The following DNAI1 variants were observed in gnomAD, a reference collection of about 807,000 sequenced individuals.
DNAI1 encodes the protein dynein axonemal intermediate chain 1, also known as dynein, axonemal, intermediate polypeptide 1.
A neutral mutation model predicts 92.0 loss-of-function variants in DNAI1; 67 were observed. The observed-to-expected ratio is 0.73, with a 90% CI of 0.60 to 0.89. The LOEUF (loss-of-function observed/expected upper bound fraction) is 0.89. DNAI1 is among the 40% of genes least tolerant of loss of function. The probability of loss-of-function intolerance (pLI) is 0.00; values close to 1 mark genes in which losing one functional copy is unlikely to be tolerated. For synonymous variants in DNAI1, 323 were observed against 319.6 expected (o/e 1.01, Z -0.11); for missense variants, 839 against 866.6 (o/e 0.97, Z 0.40).
chr9:34,501,138 G>A lies in DNAI1; in HGVS notation c.1020G>A (p.Trp340Ter). 1 of 1,613,272 alleles carries A rather than the reference G, an allele frequency of 6.2e-7. No individual in the cohort carries two copies. Among genetic ancestry groups the A allele is most frequent in the Non-Finnish European group, 8.5e-7 (1 of 1,179,282 alleles). The change falls in exon 12 of 20, where the codon TGG becomes TGA. Residue 340 changes from tryptophan (W) to a stop codon, truncating the protein, a stop_gained and splice_region_variant. Transcript: ENST00000242317. LOFTEE classifies it high-confidence loss of function. ...AKRLSVTALC[W>*]NPKYRDLFAV... ...AATGGATTCATATTTTTTTTTGCAG[G>A]AATCCAAAGTACAGGGATCTGTTTG...
chr9:34,502,491 T>C (rs1384405657), intron 12 of DNAI1, among the ~76,000 whole-genome samples: 1 of 152,074 alleles, frequency 6.6e-6, no homozygotes, highest in Non-Finnish European at 1.5e-5. Context: ...TAGGGGTTGC[T>C]CCTCAGAAGG....
chr9:34,480,272 CTTTTT>C (rs202115133), intron 1 of DNAI1, among the ~76,000 whole-genome samples: 20 of 99,436 alleles, frequency 2.0e-4, no homozygotes, highest in African/African-American at 7.1e-4. Flanking sequence ...TTTGGTGGAA[CTTTTT>C]TTTTTTTTTT....
Position 34,504,091 on chromosome 9 carries a change from G to C in DNAI1, c.1064-2536G>C, listed in dbSNP as rs958036446. Among the ~76,000 whole-genome samples the C allele has an allele frequency of 2.0e-5, 3 of 152,150 alleles. No individual in the cohort carries two copies. The East Asian group carries it at 5.8e-4, about 29-fold the overall frequency. On this transcript the variant is annotated intron_variant, in intron 12 of 19. Transcript: ENST00000242317. ...CCTGAGGCTATCACACAGGAGATGGGGCAAGAAGCTTCCCAGAGCGCCATG... is the reference window on the plus strand; with the variant it reads ...CCTGAGGCTATCACACAGGAGATGGCGCAAGAAGCTTCCCAGAGCGCCATG...
At position 34,468,347 on chromosome 9, in the gene DNAI1, A is replaced by ATT. The variant is rs376170581; in HGVS notation, c.48+9308_48+9309dup. ...AGGCGCCCGCCACCACGCCTGGCTAATTTTTTTTTTTTTTTGTATTTTTAG... is the reference window on the plus strand; with the variant it reads ...AGGCGCCCGCCACCACGCCTGGCTAATTTTTTTTTTTTTTTTTGTATTTTTAG... On this transcript the variant is annotated intron_variant, in intron 1 of 19. Transcript: ENST00000242317. 7.1e-4 allele frequency among the ~76,000 whole-genome samples: 101 copies of ATT among 141,984 alleles called. 1 individual carries two copies. Among genetic ancestry groups the ATT allele is most frequent in the African/African-American group, 1.9e-3 (73 of 38,766 alleles). 93.1% of individuals were successfully genotyped at this position (141,984 alleles called of 152,430 possible).
intron 9 of DNAI1, among the ~76,000 whole-genome samples, chr9:34,495,845 G>C (rs1824711162): frequency 6.6e-6 from 1 of 152,196 alleles, no homozygotes; most frequent in Admixed American, 6.5e-5. Flanking sequence ...CTCTGGGTCA[G>C]AGAATAGAGA....
chr9:34,504,673 T>C (rs1031823806), intron 12 of DNAI1, among the ~76,000 whole-genome samples: 3 of 152,260 alleles, frequency 2.0e-5, no homozygotes, highest in African/African-American at 7.2e-5. Context: ...AAATATGACT[T>C]CTAATCGAAC....
At chr9:34,484,092 G>A (rs1049125955) in intron 2 of DNAI1, among the ~76,000 whole-genome samples, 2 of 152,184 alleles carry the variant, frequency 1.3e-5, no homozygotes, top group South Asian at 4.1e-4. Flanking sequence ...GTGCATGCCT[G>A]TAGTCCCAAC....
At chr9:34,486,868 T>C (rs998358238) in intron 4 of DNAI1, among the ~76,000 whole-genome samples, 1 of 152,244 alleles carries the variant, frequency 6.6e-6, no homozygotes, top group African/African-American at 2.4e-5. Context: ...ATAAGTGGAA[T>C]TATACACCAT....
intron 18 of DNAI1, among the ~76,000 whole-genome samples, chr9:34,515,514 A>C (rs1050369013): frequency 6.6e-6 from 1 of 152,250 alleles, no homozygotes; most frequent in African/African-American, 2.4e-5. Flanking sequence ...AATTATTAAT[A>C]AAAGACTGTG....
intron 1 of DNAI1, among the ~76,000 whole-genome samples, chr9:34,477,249 A>G (rs1271115695): frequency 1.3e-5 from 2 of 152,150 alleles, no homozygotes; most frequent in East Asian, 3.9e-4. Flanking sequence ...GAACTCTTGG[A>G]GGCTTTAAAT....
intron 13 of DNAI1, among the ~76,000 whole-genome samples, chr9:34,508,960 C>T (rs1825001528): frequency 6.6e-6 from 1 of 152,192 alleles, no homozygotes; most frequent in African/African-American, 2.4e-5. Flanking sequence ...ACTTCCTGTT[C>T]TCTTCTTTTC....
intron 9 of DNAI1, among the ~76,000 whole-genome samples, chr9:34,494,855 C>A (rs955648941): frequency 6.6e-6 from 1 of 152,216 alleles, no homozygotes; most frequent in East Asian, 1.9e-4. Context: ...TGCACCCTCT[C>A]CCCAAGGCAA....
At chr9:34,509,909 A>G (rs1196331764) in intron 13 of DNAI1, among the ~76,000 whole-genome samples, 1 of 151,886 alleles carries the variant, frequency 6.6e-6, no homozygotes, top group Non-Finnish European at 1.5e-5. Context: ...CAAAAAAAAA[A>G]AAAAAAGAAA....
chr9:34,473,717 TG>T (rs1824183810), intron 1 of DNAI1, among the ~76,000 whole-genome samples: 2 of 152,132 alleles, frequency 1.3e-5, no homozygotes, highest in African/African-American at 4.8e-5. Flanking sequence ...GGTTGGTGCG[TG>T]GGTGGGTTAG....
At chr9:34,490,623 C>G (rs990199524) in intron 7 of DNAI1, 135 bp downstream of exon 7, 1 of 1,283,452 alleles carries the variant, frequency 7.8e-7, no homozygotes, top group African/African-American at 1.5e-5. Flanking sequence ...GCTTATCTCC[C>G]CAAGGAGAGC....
chr9:34,489,850 CAA>C, intron 5 of DNAI1, 160 bp from the exon 6 acceptor site: 27 of 946,456 alleles, frequency 2.9e-5, no homozygotes, highest in Non-Finnish European at 3.1e-5. Context: ...GACTCTGTCT[CAA>C]AAAAAAAAGC....
At chr9:34,479,435 T>C (rs940318665) in intron 1 of DNAI1, among the ~76,000 whole-genome samples, 8 of 152,358 alleles carry the variant, frequency 5.3e-5, no homozygotes, top group South Asian at 4.1e-4. Context: ...GCTGATTTCA[T>C]TGGCCTGTTT....
intron 2 of DNAI1, 56 bp downstream of exon 2, chr9:34,483,536 T>G (rs1415619782): frequency 6.6e-7 from 1 of 1,515,232 alleles, no homozygotes; most frequent in African/African-American, 1.4e-5. Flanking sequence ...GTTTTTTTTG[T>G]TGAAAATATT....
chr9:34,520,201 G>A (rs1428586477), intron 19 of DNAI1, among the ~76,000 whole-genome samples: 1 of 152,100 alleles, frequency 6.6e-6, no homozygotes, highest in East Asian at 1.9e-4. Flanking sequence ...GGTGAGGTCC[G>A]GGCCCCTGAG....
Sources: allele counts gnomAD v4.1 joint callset (sites outside exome capture counted in the v4.1 genomes callset), GRCh38; gene constraint gnomAD v4.1.1; transcripts MANE v1.5; gene names NCBI Gene and HGNC (gene_info 2026-07-23, HGNC 2026-07-21).